The following MGLL variants were observed in gnomAD, a reference collection of about 807,000 sequenced individuals.
The protein encoded by MGLL is monoglyceride lipase, also known as lysophospholipase homolog.
In MGLL, 7 loss-of-function variants were observed where a neutral mutation model predicts 29.1. The ratio of observed to expected loss-of-function variants is 0.24; its 90% CI spans 0.14 to 0.45. MGLL has a LOEUF of 0.45. MGLL is among the 20% of genes least tolerant of loss of function. The probability of loss-of-function intolerance (pLI) is 0.99; values close to 1 mark genes in which losing one functional copy is unlikely to be tolerated. For missense variants in MGLL, 356 were observed against 413.6 expected (o/e 0.86, Z 1.21); for synonymous variants, 148 against 168.3 (o/e 0.88, Z 0.93).
intron 3 of MGLL, among the ~76,000 whole-genome samples, chr3:127,748,925 A>G (rs950416042): frequency 2.0e-5 from 3 of 152,060 alleles, no homozygotes; most frequent in Admixed American, 2.0e-4. Flanking sequence ...AATGATGCCC[A>G]CCTCTGCCCA....
At chr3:127,738,965 T>C (rs868211813) in intron 3 of MGLL, among the ~76,000 whole-genome samples, 8 of 152,222 alleles carry the variant, frequency 5.3e-5, no homozygotes, top group African/African-American at 1.9e-4. Flanking sequence ...GTAGAACATG[T>C]CCACCATCGC....
At chr3:127,731,193 C>T (rs2076143429) in intron 3 of MGLL, among the ~76,000 whole-genome samples, 1 of 152,000 alleles carries the variant, frequency 6.6e-6, no homozygotes, top group Admixed American at 6.6e-5. Context: ...TGTATTTACA[C>T]ATTTGTTTTA....
intron 3 of MGLL, among the ~76,000 whole-genome samples, chr3:127,739,410 G>C (rs2076296987): frequency 6.6e-6 from 1 of 152,178 alleles, no homozygotes; most frequent in South Asian, 2.1e-4. Flanking sequence ...AGAACTAAAA[G>C]TCAAACCACT....
chr3:127,756,000 G>C (rs371645200), intron 3 of MGLL, among the ~76,000 whole-genome samples: 4 of 152,140 alleles, frequency 2.6e-5, no homozygotes, highest in Non-Finnish European at 5.9e-5. Context: ...ACTAACTCCT[G>C]GTCATTGAGA....
intron 2 of MGLL, among the ~76,000 whole-genome samples, chr3:127,796,006 C>T (rs1241620321): frequency 1.3e-5 from 2 of 152,186 alleles, no homozygotes; most frequent in Admixed American, 6.5e-5. Flanking sequence ...TCCTTAACAT[C>T]TTTCCATGAA....
chr3:127,703,938 A>G (rs2075548205), intron 6 of MGLL, among the ~76,000 whole-genome samples: 1 of 152,232 alleles, frequency 6.6e-6, no homozygotes, highest in African/African-American at 2.4e-5. Flanking sequence ...CTAGGCAAAA[A>G]GAATAAAGCT....
intron 3 of MGLL, among the ~76,000 whole-genome samples, chr3:127,759,142 C>G (rs956479875): frequency 2.0e-5 from 3 of 152,164 alleles, no homozygotes; most frequent in Non-Finnish European, 4.4e-5. Flanking sequence ...CCAGGCTGGT[C>G]TTGAACTCCT....
At chr3:127,777,971 G>T (rs757717085) in intron 3 of MGLL, among the ~76,000 whole-genome samples, 3 of 152,158 alleles carry the variant, frequency 2.0e-5, no homozygotes, top group Non-Finnish European at 2.9e-5. Flanking sequence ...AAATTCTGAG[G>T]TTAACATGGA....
chr3:127,691,194 T>G lies in MGLL; in HGVS notation c.*1004A>C, dbSNP rs1056536276. The G allele has an allele frequency of 6.6e-6, 1 of 152,316 alleles. No homozygotes were observed. The highest frequency in any genetic ancestry group is 6.6e-5 in the Admixed American group (1 of 15,254). 9.4% of individuals were successfully genotyped at this position (152,316 alleles called of 1,614,324 possible). On this transcript the variant is annotated 3_prime_UTR_variant, in exon 8 of 8. Transcript: ENST00000265052. ...CAGGAAGAGCACTGGGCCTTGCCCA[T>G]AGGAAAGGCCCAGCCAAGTCCCCTC...
intron 2 of MGLL, among the ~76,000 whole-genome samples, chr3:127,798,915 G>C (rs1445647553): frequency 6.6e-6 from 1 of 152,150 alleles, no homozygotes; most frequent in African/African-American, 2.4e-5. Flanking sequence ...CCAAGCTGGA[G>C]AGCACCCGAG....
intron 3 of MGLL, among the ~76,000 whole-genome samples, chr3:127,769,111 G>A (rs2076906975): frequency 6.6e-6 from 1 of 152,166 alleles, no homozygotes; most frequent in Non-Finnish European, 1.5e-5. Flanking sequence ...CGGCACTTTG[G>A]GAGGCTGAGG....
intron 3 of MGLL, among the ~76,000 whole-genome samples, chr3:127,760,896 C>T (rs1164974553): frequency 6.6e-6 from 1 of 152,204 alleles, no homozygotes; most frequent in Non-Finnish European, 1.5e-5. Context: ...TACTCTGCTG[C>T]CGTAGGATTA....
At chr3:127,706,073 C>A (rs1229706048) in intron 6 of MGLL, among the ~76,000 whole-genome samples, 2 of 152,160 alleles carry the variant, frequency 1.3e-5, no homozygotes, top group Admixed American at 1.3e-4. Context: ...TATGACCCAG[C>A]AATCCCACTT....
chr3:127,752,659 G>A (rs1224148702), intron 3 of MGLL, among the ~76,000 whole-genome samples: 1 of 152,082 alleles, frequency 6.6e-6, no homozygotes, highest in Admixed American at 6.6e-5. Flanking sequence ...AGCAAGCAGA[G>A]ATATGGCATC....
chr3:127,806,817 A>G (rs2077575019), intron 2 of MGLL, among the ~76,000 whole-genome samples: 1 of 152,166 alleles, frequency 6.6e-6, no homozygotes, highest in African/African-American at 2.4e-5. Context: ...ACCTGAGCTC[A>G]GGAGTTCGAG....
intron 2 of MGLL, among the ~76,000 whole-genome samples, chr3:127,805,879 A>G (rs771419085): frequency 6.6e-6 from 1 of 152,218 alleles, no homozygotes; most frequent in African/African-American, 2.4e-5. Flanking sequence ...TTCCAAAGAG[A>G]TTCGTTTCCT....
At chr3:127,810,475 C>T (rs1277567590) in intron 2 of MGLL, among the ~76,000 whole-genome samples, 2 of 152,178 alleles carry the variant, frequency 1.3e-5, no homozygotes, top group Non-Finnish European at 2.9e-5. Context: ...TGATTCCCTT[C>T]GGCCCAGAAT....
chr3:127,802,986 CTT>C (rs760741626), intron 2 of MGLL, among the ~76,000 whole-genome samples: 4 of 141,942 alleles, frequency 2.8e-5, no homozygotes, highest in African/African-American at 1.1e-4. Flanking sequence ...CTCTCTCTCT[CTT>C]TTTTTTTTTT....
intron 6 of MGLL, among the ~76,000 whole-genome samples, chr3:127,696,816 T>TG (rs144686291): frequency 0.035 from 5,400 of 152,134 alleles, 129 homozygotes; most frequent in East Asian, 0.11. Context: ...AGAGAGCATG[T>TG]GGGGACGAGG....
Sources: allele counts gnomAD v4.1 joint callset (sites outside exome capture counted in the v4.1 genomes callset), GRCh38; gene constraint gnomAD v4.1.1; transcripts MANE v1.5; gene names NCBI Gene and HGNC (gene_info 2026-07-23, HGNC 2026-07-21).